The following WDR17 variants were observed in gnomAD, a reference collection of about 807,000 sequenced individuals.
WDR17 encodes WD repeat-containing protein 17.
A neutral mutation model predicts 161.7 loss-of-function variants in WDR17; 143 were observed. The observed-to-expected ratio is 0.88, with a 90% CI of 0.77 to 1.02. The LOEUF is 1.02. Among genes scored for constraint, WDR17 ranks in the 50% least tolerant of loss-of-function variants. The pLI is 0.00. For synonymous variants in WDR17, 517 were observed against 515.6 expected (o/e 1.00, Z -0.04); for missense variants, 1,469 against 1,520.9 (o/e 0.97, Z 0.57).
chr4:176,173,272 A>G lies in WDR17; in HGVS notation c.3250A>G (p.Ile1084Val), dbSNP rs1444652007. 18 of 1,604,790 alleles carry G rather than the reference A, an allele frequency of 1.1e-5. No individual in the cohort carries two copies. Among genetic ancestry groups the G allele is most frequent in the Admixed American group, 1.7e-5 (1 of 58,366 alleles). The stretch of plus-strand genomic sequence containing the variant: ...ATCTGGTTTAATTTTTCCAGAATAC[A>G]TCAGTAGCTCAGACTGGACTTTGGA... ...PIGISFVKEY[I>V]SSSDWTLDTI... is the part of the protein sequence containing the mutation. Residue 1084 changes from isoleucine to valine, a missense_variant, in exon 25 of 29, where the codon ATC becomes GTC. By Grantham distance (29) the Ile-to-Val change is conservative (BLOSUM62 3). Transcript: ENST00000508596.
At chr4:176,159,840 G>A (rs746801938) in intron 18 of WDR17, among the ~76,000 whole-genome samples, 154 bp from the exon 19 acceptor site, 3 of 152,144 alleles carry the variant, frequency 2.0e-5, no homozygotes, top group Non-Finnish European at 4.4e-5. Context: ...CCTTCCACAT[G>A]TAATTTGATT....
At chr4:176,086,075 A>C (rs1392869745) in intron 1 of WDR17, among the ~76,000 whole-genome samples, 3 of 151,952 alleles carry the variant, frequency 2.0e-5, no homozygotes, top group Non-Finnish European at 2.9e-5. Context: ...TTAGAAATGC[A>C]TTCTTTAATT....
At chr4:176,106,344 A>G (rs1738714035) in intron 1 of WDR17, among the ~76,000 whole-genome samples, 3 of 152,050 alleles carry the variant, frequency 2.0e-5, no homozygotes, top group Non-Finnish European at 4.4e-5. Context: ...ATGGCCAAAT[A>G]TCTTTTGCCA....
At position 176,080,444 on chromosome 4, in the gene WDR17, A is replaced by T. The variant is rs144554973; in HGVS notation, c.-7+14365A>T. Among the ~76,000 whole-genome samples, 82 of 152,114 alleles carry T rather than the reference A, an allele frequency of 5.4e-4. 1 individual carries two copies. The highest frequency in any genetic ancestry group is 1.9e-3 in the African/African-American group (79 of 41,514). Reference sequence around the variant, plus strand: ...GATGATGAGGAATCAAAACAAAAAGATTTTAAAAAAACAATGGGGAGAAGG... The same window carrying T: ...GATGATGAGGAATCAAAACAAAAAGTTTTTAAAAAAACAATGGGGAGAAGG... On this transcript the variant is annotated intron_variant, in intron 1 of 28. Coordinates refer to ENST00000508596, the MANE Select transcript of WDR17 (RefSeq NM_181265.4).
intron 1 of WDR17, among the ~76,000 whole-genome samples, chr4:176,099,891 C>T (rs368461037): frequency 6.6e-6 from 1 of 152,114 alleles, no homozygotes; most frequent in Non-Finnish European, 1.5e-5. Flanking sequence ...TGACCTCCAG[C>T]TGCATGCATG....
chr4:176,156,124 T>A lies in WDR17; in HGVS notation c.2506T>A (p.Trp836Arg), dbSNP rs772499784. The change falls in exon 18 of 29, where the codon TGG (tryptophan) becomes AGG (arginine). Residue 836 changes from tryptophan (W) to arginine (R), a missense_variant. Physicochemically the swap from Trp to Arg is moderately radical, Grantham distance 101 (BLOSUM62 -3). Coordinates refer to ENST00000508596, the MANE Select transcript of WDR17 (RefSeq NM_181265.4). ...TGCACCAGGAGTCTCTGTGAAATAC[T>A]GGAAGAAGTTAATGCAGAGGTAAGG... ...SIAPGVSVKY[W>R]KKLMQRRADQ... 1 of 1,613,636 alleles carries A rather than the reference T, an allele frequency of 6.2e-7. No individual in the cohort carries two copies. Among genetic ancestry groups the A allele is most frequent in the East Asian group, 2.2e-5 (1 of 44,818 alleles).
At chr4:176,170,916 T>A (rs1261021448) in intron 23 of WDR17, among the ~76,000 whole-genome samples, 1 of 152,220 alleles carries the variant, frequency 6.6e-6, no homozygotes, top group Non-Finnish European at 1.5e-5. Context: ...AAAATACGTT[T>A]AACACACCTG....
intron 22 of WDR17, 127 bp from the exon 23 acceptor site, chr4:176,168,545 A>T: frequency 9.1e-7 from 1 of 1,094,024 alleles, no homozygotes; most frequent in Non-Finnish European, 1.3e-6. Context: ...GTAGGCTATT[A>T]ATACTGTTTG....
At chr4:176,083,268 G>T (rs1346564544) in intron 1 of WDR17, among the ~76,000 whole-genome samples, 1 of 151,968 alleles carries the variant, frequency 6.6e-6, no homozygotes, top group Non-Finnish European at 1.5e-5. Flanking sequence ...TCATTAAAAA[G>T]AACTCATTGA....
rs533251867 is a variant in WDR17 at position 176,082,470 on chromosome 4, A to G, written c.-7+16391A>G. On this transcript the variant is annotated intron_variant, in intron 1 of 28. Transcript: ENST00000508596. The stretch of plus-strand genomic sequence containing the variant: ...AAAAGTCGACCTGAGATTTGGCTGC[A>G]TAACCGAGAAATGCAACATTACAGT... Among the ~76,000 whole-genome samples the G allele has an allele frequency of 3.9e-5, 6 of 152,246 alleles. No homozygotes were observed. In the East Asian group the frequency reaches 7.7e-4, roughly 20 times the overall value.
chr4:176,091,218 A>G (rs1272568919), intron 1 of WDR17, among the ~76,000 whole-genome samples: 2 of 152,232 alleles, frequency 1.3e-5, no homozygotes, highest in Non-Finnish European at 2.9e-5. Context: ...CAACACATGC[A>G]TCATTTATAA....
chr4:176,161,377 G>A (rs1226968649), intron 20 of WDR17, among the ~76,000 whole-genome samples: 1 of 152,120 alleles, frequency 6.6e-6, no homozygotes, highest in Non-Finnish European at 1.5e-5. Flanking sequence ...TCACAGTAAC[G>A]TAGTTTATAA....
intron 28 of WDR17, 124 bp downstream of exon 28, chr4:176,177,778 A>C: frequency 1.1e-6 from 1 of 870,524 alleles, no homozygotes; most frequent in Non-Finnish European, 1.7e-6. Flanking sequence ...TCCAGTAAGG[A>C]AATATTACCT....
At chr4:176,089,438 CCA>C (rs1417525239) in intron 1 of WDR17, among the ~76,000 whole-genome samples, 1 of 151,994 alleles carries the variant, frequency 6.6e-6, no homozygotes, top group African/African-American at 2.4e-5. Context: ...ATTTTGATCC[CCA>C]GTTTATCAGA....
At chr4:176,164,663 C>G (rs1373943122) in intron 22 of WDR17, among the ~76,000 whole-genome samples, 1 of 152,172 alleles carries the variant, frequency 6.6e-6, no homozygotes, top group African/African-American at 2.4e-5. Context: ...CTGCAGCCAA[C>G]TCGGGAAAAG....
intron 22 of WDR17, chr4:176,166,091 A>G: frequency 9.1e-7 from 1 of 1,103,596 alleles, no homozygotes; most frequent in Non-Finnish European, 1.3e-6. Context: ...TCATCGTATA[A>G]TCATGGTATT....
intron 11 of WDR17, among the ~76,000 whole-genome samples, chr4:176,142,723 A>G (rs1161621253): frequency 6.6e-6 from 1 of 152,198 alleles, no homozygotes; most frequent in African/African-American, 2.4e-5. Flanking sequence ...GTCAAAAACA[A>G]TGTGAATTAT....
chr4:176,150,483 G>A lies in WDR17; in HGVS notation c.2194G>A (p.Asp732Asn). 1 of 1,607,938 alleles carries A rather than the reference G, an allele frequency of 6.2e-7. No individual in the cohort carries two copies. The highest frequency in any genetic ancestry group is 8.5e-7 in the Non-Finnish European group (1 of 1,178,342). The change falls in exon 16 of 29, where the codon GAC becomes AAC. Residue 732 changes from aspartate to asparagine, a missense_variant. Physicochemically the swap from Asp to Asn is conservative, Grantham distance 23. Coordinates refer to ENST00000508596, the MANE Select transcript of WDR17 (RefSeq NM_181265.4). ...AACTCTTTAGCCTCCAGGTGGCAGT[G>A]ACAATTTATGGAACTTGGTTGCTGT... ...SECLSPPGGS[D>N]NLWNLVAVIK...
At chr4:176,111,851 A>G in intron 2 of WDR17, 148 bp downstream of exon 2, 1 of 784,816 alleles carries the variant, frequency 1.3e-6, no homozygotes, top group East Asian at 3.6e-5. Context: ...TTTATACCGT[A>G]TAGGTTTTAA....
Sources: gnomAD v4.1 joint callset for allele counts (sites outside exome capture counted in the v4.1 genomes callset) on GRCh38, gnomAD v4.1.1 for gene constraint, MANE v1.5 for transcripts, NCBI Gene and HGNC (gene_info 2026-07-23, HGNC 2026-07-21) for gene names.